The following C2CD3 variants were observed in gnomAD, a reference collection of about 807,000 sequenced individuals.
C2CD3 encodes the protein C2 domain-containing protein 3.
In C2CD3, 148 loss-of-function variants were observed where a neutral mutation model predicts 234.0. That is an observed-to-expected ratio of 0.63 (90% CI 0.55 to 0.72). C2CD3 has a LOEUF of 0.72. Among genes scored for constraint, C2CD3 ranks in the 30% least tolerant of loss-of-function variants. The pLI is 0.00. For missense variants in C2CD3, 2,577 were observed against 2,811.5 expected (o/e 0.92, Z 1.89); for synonymous variants, 1,000 against 1,035.4 (o/e 0.97, Z 0.66).
chr11:74,157,686 T>C (rs538453004), intron 3 of C2CD3, among the ~76,000 whole-genome samples: 228 of 152,312 alleles, frequency 1.5e-3, no homozygotes, highest in Admixed American at 2.6e-3. Flanking sequence ...ATTTTCTCTA[T>C]ACATTTTAGA....
intron 11 of C2CD3, 50 bp from the exon 12 acceptor site, chr11:74,109,202 C>A: frequency 1.1e-6 from 1 of 934,524 alleles, no homozygotes; most frequent in South Asian, 1.6e-5. Context: ...CAACTGAAGT[C>A]ATCATCAATT....
chr11:74,020,608 C>G (rs1411651801), intron 32 of C2CD3, among the ~76,000 whole-genome samples: 1 of 152,210 alleles, frequency 6.6e-6, no homozygotes, highest in Non-Finnish European at 1.5e-5. Flanking sequence ...TTCAGCATGA[C>G]AGGCAGTTGG....
In C2CD3 at chr11:74,170,825, T is replaced by C; in HGVS notation, c.-33A>G. 7 of 1,613,938 alleles carry C rather than the reference T, an allele frequency of 4.3e-6. No individual in the cohort carries two copies. Among genetic ancestry groups the C allele is most frequent in the Non-Finnish European group, 5.9e-6 (7 of 1,179,924 alleles). ...CCGAGCTCTTCTTCACCAGCTCAAC[T>C]CCGTCTCCAGCACCTAAGCAGTATC... is the stretch of plus-strand genomic sequence containing the variant. On this transcript the variant is annotated 5_prime_UTR_variant, in exon 1 of 33. Coordinates refer to ENST00000334126, the MANE Select transcript of C2CD3 (RefSeq NM_001286577.2).
At chr11:74,107,743 T>A (rs1400144071) in intron 12 of C2CD3, 16 of 152,178 alleles carry the variant, frequency 1.1e-4, no homozygotes, top group Admixed American at 1.0e-3. Flanking sequence ...ATGCAGATAG[T>A]CATAAATGTT....
At chr11:74,118,514 G>A in intron 8 of C2CD3, 132 bp from the exon 9 acceptor site, 2 of 578,274 alleles carry the variant, frequency 3.5e-6, no homozygotes, top group East Asian at 2.9e-5. Flanking sequence ...CTGACACCAG[G>A]GAGATAATCC....
At chr11:74,022,425 G>A (rs1025375457) in intron 32 of C2CD3, among the ~76,000 whole-genome samples, 4 of 152,162 alleles carry the variant, frequency 2.6e-5, no homozygotes, top group African/African-American at 9.7e-5. Context: ...CATCGGACAA[G>A]ACGTCTAGGA....
In C2CD3 at chr11:74,013,235, C is replaced by G. The variant is rs542890372; in HGVS notation, c.*150G>C. ...GGGCACTCCTCCAGTCTGGGCTGAC[C>G]GGGTCTCTTGAGGCATCCGTGGCCT... On this transcript the variant is annotated 3_prime_UTR_variant, in exon 33 of 33. Transcript: ENST00000334126. 2.5e-6 allele frequency: 1 copy of G among 402,058 alleles called. No individual in the cohort carries two copies. Among genetic ancestry groups the G allele is most frequent in the East Asian group, 3.6e-5 (1 of 27,532 alleles). The allele number at this position is 402,058 out of a possible 1,614,324, so 24.9% of individuals were successfully genotyped here. A position where few individuals can be genotyped will look rare whatever the true frequency, so the allele number is the denominator to read the frequency against.
In C2CD3 at chr11:74,132,858, C is replaced by A; in HGVS notation, c.1203G>T (p.Gln401His). The part of the protein sequence containing the change: ...HDTKADTRAI[Q>H]LLLGSAELSQ... ...ATAGTGCTTACCTGCCTAATAGCAG[C>A]TGTATAGCTCTGGTATCAGCTTTTG... The change falls in exon 7 of 33, where the codon CAG becomes CAT. Residue 401 changes from glutamine to histidine, a missense_variant. By Grantham distance (24) the Gln-to-His change is conservative. Transcript: ENST00000334126. The A allele has an allele frequency of 1.9e-6, 3 of 1,613,650 alleles. No individual in the cohort carries two copies. The highest frequency in any genetic ancestry group is 2.5e-6 in the Non-Finnish European group (3 of 1,179,832).
At chr11:74,117,765 T>C (rs575816341) in intron 9 of C2CD3, among the ~76,000 whole-genome samples, 1 of 151,662 alleles carries the variant, frequency 6.6e-6, no homozygotes, top group African/African-American at 2.4e-5. Context: ...AATACAAAAT[T>C]AGTCGGGCAT....
chr11:74,109,368 G>A, intron 11 of C2CD3: 1 of 456,892 alleles, frequency 2.2e-6, no homozygotes, highest in Non-Finnish European at 3.8e-6. Flanking sequence ...GACAGGCAGT[G>A]CTATGTTGCT....
intron 15 of C2CD3, among the ~76,000 whole-genome samples, chr11:74,100,200 G>A (rs1046657278): frequency 6.6e-6 from 1 of 152,146 alleles, no homozygotes; most frequent in Non-Finnish European, 1.5e-5. Flanking sequence ...ACTTTATAAT[G>A]TATGTGACAA....
At chr11:74,115,645 A>T in intron 9 of C2CD3, among the ~76,000 whole-genome samples, 1 of 152,182 alleles carries the variant, frequency 6.6e-6, no homozygotes, top group East Asian at 1.9e-4. Flanking sequence ...ATATGGAACC[A>T]AAAAAGAGCC....
Position 74,033,569 on chromosome 11 carries a change from T to C in C2CD3, c.6591A>G (p.Thr2197=). 1 of 1,536,204 alleles carries C rather than the reference T, an allele frequency of 6.5e-7. No homozygotes were observed. The change falls in exon 31 of 33, where the codon ACA becomes ACG. Residue 2197 remains threonine (T), a synonymous_variant. Coordinates refer to ENST00000334126, the MANE Select transcript of C2CD3 (RefSeq NM_001286577.2). ...STFVGWSSPQ[T]DQNKEPKSEA... ...CTGACTTGGGCTCCTTGTTCTGATCTGTCTGTGGTGAGCTCCATCCAACAA... is the reference window on the plus strand; with the variant it reads ...CTGACTTGGGCTCCTTGTTCTGATCCGTCTGTGGTGAGCTCCATCCAACAA...
At chr11:74,153,271 C>A (rs572569502) in intron 3 of C2CD3, among the ~76,000 whole-genome samples, 55 of 150,656 alleles carry the variant, frequency 3.7e-4, no homozygotes, top group Non-Finnish European at 6.8e-4. Context: ...AAGTGAAAGA[C>A]CAAATGCTTT....
At chr11:74,153,390 A>AAT (rs1238491421) in intron 3 of C2CD3, among the ~76,000 whole-genome samples, 1 of 152,230 alleles carries the variant, frequency 6.6e-6, no homozygotes, top group Non-Finnish European at 1.5e-5. Flanking sequence ...TATAGATTAG[A>AAT]AAAGAAGTAA....
rs149734938 is a variant in C2CD3, at chr11:74,095,246, G to T, written c.3142C>A (p.Pro1048Thr). 6.2e-7 allele frequency: 1 copy of T among 1,611,696 alleles called. No individual in the cohort carries two copies. Among genetic ancestry groups the T allele is most frequent in the Non-Finnish European group, 8.5e-7 (1 of 1,178,672 alleles). Residue 1048 changes from proline to threonine, a missense_variant, in exon 17 of 33, where the codon CCT becomes ACT. Pro to Thr is a conservative substitution (Grantham distance 38). Coordinates refer to ENST00000334126, the MANE Select transcript of C2CD3 (RefSeq NM_001286577.2). ...QHSQSSVLKGPEFLENGITLK... is the reference protein window; with the variant it reads ...QHSQSSVLKGTEFLENGITLK... ...AACCTACCATTTTCAAGGAACTCAG[G>T]TCCTTTCAGCACACTGGATTGAGAG...
At position 74,161,515 on chromosome 11, in the gene C2CD3, C is replaced by A. The variant is rs1191730199; in HGVS notation, c.367G>T (p.Gly123Cys). The A allele has an allele frequency of 6.3e-7, 1 of 1,590,628 alleles. No individual in the cohort carries two copies. The change falls in exon 3 of 33, where the codon GGT becomes TGT. Residue 123 changes from glycine (G) to cysteine (C), a missense_variant. By Grantham distance (159) the Gly-to-Cys change is radical. Transcript: ENST00000334126. The stretch of plus-strand genomic sequence containing the variant: ...ATCTGAACTCTACCAATTGGAAGAC[C>A]ATCAAGTTTGGTGATTACTTCCAGC... ...LVLEVITKLD[G>C]LPIGRVQING...
Position 74,028,359 on chromosome 11 carries a change from G to C in C2CD3, c.6849C>G (p.Pro2283=). 6.5e-7 allele frequency: 1 copy of C among 1,535,980 alleles called. No individual in the cohort carries two copies. The highest frequency in any genetic ancestry group is 1.2e-5 in the South Asian group (1 of 84,062). ...TCCGCAGGGAAGCCTCCAACTGCTG[G>C]GGAGGCAAAAAGAAGTTGGGCACCA... The part of the protein sequence containing the change: ...PIVVPNFFLP[P]QQLEASLRML... The change falls in exon 32 of 33, where the codon CCC becomes CCG. Residue 2283 remains proline, a synonymous_variant. Coordinates refer to ENST00000334126, the MANE Select transcript of C2CD3 (RefSeq NM_001286577.2).
chr11:74,150,516 C>CAAAAAAAAA (rs1162306851), intron 3 of C2CD3, among the ~76,000 whole-genome samples: 3 of 65,990 alleles, frequency 4.5e-5, no homozygotes, highest in Admixed American at 2.1e-4. Context: ...AAAAAAAAAA[C>CAAAAAAAAA]AAAAAAAAAA....
Sources: allele counts gnomAD v4.1 joint callset (sites outside exome capture counted in the v4.1 genomes callset), GRCh38; gene constraint gnomAD v4.1.1; transcripts MANE v1.5; gene names NCBI Gene and HGNC (gene_info 2026-07-23, HGNC 2026-07-21).